Variants in PGGHG observed in about 807,000 individuals in gnomAD.
The protein encoded by PGGHG is protein-glucosylgalactosylhydroxylysine glucosidase.
PGGHG carries 67 observed loss-of-function variants against 74.5 expected under a neutral mutation model. That is an observed-to-expected ratio of 0.90 (90% CI 0.74 to 1.10). The LOEUF is 1.10. Ranked by LOEUF, PGGHG falls within the 50% of genes least tolerant of loss-of-function variation. The pLI, the probability that PGGHG is intolerant of heterozygous loss-of-function variation, is 0.00. For synonymous variants in PGGHG, 496 were observed against 419.9 expected (o/e 1.18, Z -2.21); for missense variants, 1,034 against 981.5 (o/e 1.05, Z -0.72).
chr11:293,767 C>T lies in PGGHG; in HGVS notation c.1614+40C>T, dbSNP rs772931146. The T allele has an allele frequency of 2.5e-6, 4 of 1,613,398 alleles. No individual in the cohort carries two copies. In the South Asian group the frequency reaches 3.3e-5, roughly 13 times the overall value. ...GCTGTGGAGTTCCTACCCCATTGGCCTCAGTCTTCTCTGCCCACGCAGTGG... is the reference window on the plus strand; with the variant it reads ...GCTGTGGAGTTCCTACCCCATTGGCTTCAGTCTTCTCTGCCCACGCAGTGG... On this transcript the variant is annotated intron_variant, in intron 10 of 13. Transcript: ENST00000409548.
intron 7 of PGGHG, 57 bp downstream of exon 7, chr11:293,054 C>A: frequency 6.2e-7 from 1 of 1,613,842 alleles, no homozygotes; most frequent in Non-Finnish European, 8.5e-7. Context: ...CCAGACTCAG[C>A]AGATGATTTT....
Position 292,928 on chromosome 11 carries a change from A to G in PGGHG, c.1201A>G (p.Arg401Gly). The G allele has an allele frequency of 6.2e-7, 1 of 1,614,122 alleles. No homozygotes were observed. The change falls in exon 7 of 14, where the codon AGG becomes GGG. Residue 401 changes from arginine to glycine, a missense_variant. Coordinates refer to ENST00000409548, the MANE Select transcript of PGGHG (RefSeq NM_025092.5). ...FREAGGWDVV[R>G]AVAEFWCSRV... is the part of the protein sequence containing the mutation. The stretch of plus-strand genomic sequence containing the variant: ...AGAGGCTGGTGGCTGGGACGTGGTC[A>G]GGGCTGTGGCCGAGTTTTGGTGCAG...
At position 293,577 on chromosome 11, in the gene PGGHG, G is replaced by A. The variant is rs373665622; in HGVS notation, c.1481-17G>A. 1.5e-5 allele frequency: 24 copies of A among 1,613,234 alleles called. No homozygotes were observed. The African/African-American group carries it at 2.0e-4, about 13-fold the overall frequency. ...TCTGTCCTGGAACACCTTCCAGTCAGCGGCACCTCCCTGTAGGAGAGGTGG... is the reference window on the plus strand; with the variant it reads ...TCTGTCCTGGAACACCTTCCAGTCAACGGCACCTCCCTGTAGGAGAGGTGG... On this transcript the variant is annotated splice_polypyrimidine_tract_variant and intron_variant, in intron 9 of 13. Coordinates refer to ENST00000409548, the MANE Select transcript of PGGHG (RefSeq NM_025092.5).
rs7395921 is a variant in PGGHG, at chr11:293,878, C to T, written c.1663C>T (p.Arg555Trp). The change falls in exon 11 of 14, where the codon CGG becomes TGG. Residue 555 changes from arginine (R) to tryptophan (W), a missense_variant. Transcript: ENST00000409548. ...GGAGCTGAAGGACGCAGTGCGGGCC[C>T]GGGGCCTCCTGGACAGGAGCTTTGC... Reference protein sequence around the residue: ...WMELKDAVRARGLLDRSFANM... With the variant: ...WMELKDAVRAWGLLDRSFANM... The T allele has an allele frequency of 8.3e-4, 1,338 of 1,613,584 alleles. No individual in the cohort carries two copies. Among genetic ancestry groups the T allele is most frequent in the Non-Finnish European group, 1.0e-3 (1,214 of 1,179,968 alleles).
Position 294,630 on chromosome 11 carries a change from T to A in PGGHG, c.2095T>A (p.Ser699Thr). The change falls in exon 14 of 14, where the codon TCC becomes ACC. Residue 699 changes from serine to threonine, a missense_variant. Ser to Thr is a moderately conservative substitution (Grantham distance 58, BLOSUM62 1). Coordinates refer to ENST00000409548, the MANE Select transcript of PGGHG (RefSeq NM_025092.5). ...SPPKLPGSSS[S>T]EFPGRTFSDV... The stretch of plus-strand genomic sequence containing the variant: ...CCCGAAGCTGCCTGGAAGTTCCAGC[T>A]CCGAGTTCCCTGGGAGGACTTTTTC... 1 of 1,516,172 alleles carries A rather than the reference T, an allele frequency of 6.6e-7. No homozygotes were observed. The highest frequency in any genetic ancestry group is 8.9e-7 in the Non-Finnish European group (1 of 1,125,508). The allele number at this position is 1,516,172 out of a possible 1,614,324, so 93.9% of individuals were successfully genotyped here. A position where few individuals can be genotyped will look rare whatever the true frequency, so the allele number is the denominator to read the frequency against.
chr11:293,518 C>T lies in PGGHG; in HGVS notation c.1480+16C>T. On this transcript the variant is annotated intron_variant, in intron 9 of 13. Transcript: ENST00000409548. The stretch of plus-strand genomic sequence containing the variant: ...TATGAGCCTGGTGAGTGGACCCCTT[C>T]AAGGGCTCCTCCCCTGCCGTCGAGA... 3 of 1,611,666 alleles carry T rather than the reference C, an allele frequency of 1.9e-6. No individual in the cohort carries two copies. Among genetic ancestry groups the T allele is most frequent in the Non-Finnish European group, 2.5e-6 (3 of 1,179,848 alleles).
In PGGHG at chr11:293,464, A is replaced by C; in HGVS notation, c.1442A>C (p.Glu481Ala). Residue 481 changes from glutamate (E) to alanine (A), a missense_variant, in exon 9 of 14, where the codon GAG becomes GCG. Physicochemically the swap from Glu to Ala is moderately radical, Grantham distance 107. Coordinates refer to ENST00000409548, the MANE Select transcript of PGGHG (RefSeq NM_025092.5). Reference protein sequence around the residue: ...ADKIKVPFDVEQNFHPEFDGY... With the variant: ...ADKIKVPFDVAQNFHPEFDGY... ...AAGATCAAGGTACCCTTTGACGTGGAGCAGAACTTCCACCCGGAGTTCGAT... is the reference window on the plus strand; with the variant it reads ...AAGATCAAGGTACCCTTTGACGTGGCGCAGAACTTCCACCCGGAGTTCGAT... 10 of 1,611,896 alleles carry C rather than the reference A, an allele frequency of 6.2e-6. No individual in the cohort carries two copies. The highest frequency in any genetic ancestry group is 7.6e-6 in the Non-Finnish European group (9 of 1,179,990).
At chr11:291,754 C>A in intron 4 of PGGHG, 1 of 566,208 alleles carries the variant, frequency 1.8e-6, no homozygotes, top group Non-Finnish European at 2.9e-6. Context: ...CAAACGCCGG[C>A]TGGGGAGGCG....
chr11:291,076 G>C lies in PGGHG; in HGVS notation c.869G>C (p.Arg290Pro). 1 of 1,602,732 alleles carries C rather than the reference G, an allele frequency of 6.2e-7. No individual in the cohort carries two copies. The highest frequency in any genetic ancestry group is 1.7e-4 in the Middle Eastern group (1 of 6,018). Residue 290 changes from arginine to proline, a missense_variant, in exon 4 of 14, where the codon CGT (arginine) becomes CCT (proline). Coordinates refer to ENST00000409548, the MANE Select transcript of PGGHG (RefSeq NM_025092.5). ...LSPGGLSNGS[R>P]EECYWGHVFW... is the part of the protein sequence containing the mutation. ...CCTGGGGGCCTCTCCAATGGGAGCC[G>C]TGAGGAATGCTACTGGGGCCACGTC...
intron 8 of PGGHG, 45 bp from the exon 9 acceptor site, chr11:293,320 TG>T (rs1412857823): frequency 6.3e-7 from 1 of 1,598,808 alleles, no homozygotes; most frequent in African/African-American, 1.3e-5. Context: ...AGGCAGCAGC[TG>T]GAAGTGTAGG....
chr11:291,922 G>T lies in PGGHG; in HGVS notation c.907-54G>T, dbSNP rs1823488357. 9 of 1,545,944 alleles carry T rather than the reference G, an allele frequency of 5.8e-6. No individual in the cohort carries two copies. In the South Asian group the frequency reaches 6.2e-5, roughly 11 times the overall value. On this transcript the variant is annotated intron_variant, in intron 4 of 13. Coordinates refer to ENST00000409548, the MANE Select transcript of PGGHG (RefSeq NM_025092.5). ...TGCCGGGGCGGAATGTGGCCAGGAG[G>T]GGCGGGAGCAGTGACGGCCTGTCCG... is the stretch of plus-strand genomic sequence containing the variant.
In PGGHG at chr11:293,150, C is replaced by T. The variant is rs1214589347; in HGVS notation, c.1271-13C>T. ...ACTCTGCACTGAGCACCATCTTGGA[C>T]TTGTGTGTCCAGGAGTCATGTCCCC... On this transcript the variant is annotated splice_polypyrimidine_tract_variant and intron_variant, in intron 7 of 13. Coordinates refer to ENST00000409548, the MANE Select transcript of PGGHG (RefSeq NM_025092.5). The T allele has an allele frequency of 2.5e-6, 4 of 1,613,798 alleles. No individual in the cohort carries two copies. Among genetic ancestry groups the T allele is most frequent in the East Asian group, 2.2e-5 (1 of 44,886 alleles).
In PGGHG at chr11:290,078, A is replaced by G. The variant is rs756398238; in HGVS notation, c.259+3A>G. Reference sequence around the variant, plus strand: ...CTTCGCCCTGGACACCAACACAGGTAGCGCCACCTGGCCTGCCTCACCCCT... The same window carrying G: ...CTTCGCCCTGGACACCAACACAGGTGGCGCCACCTGGCCTGCCTCACCCCT... On this transcript the variant is annotated splice_donor_region_variant and intron_variant, in intron 2 of 13. Coordinates refer to ENST00000409548, the MANE Select transcript of PGGHG (RefSeq NM_025092.5). The G allele has an allele frequency of 4.6e-6, 7 of 1,523,042 alleles. No individual in the cohort carries two copies. The South Asian group carries it at 8.5e-5, about 19-fold the overall frequency. 94.3% of individuals were successfully genotyped at this position (1,523,042 alleles called of 1,614,324 possible).
At position 290,717 on chromosome 11, in the gene PGGHG, G is replaced by A; in HGVS notation, c.510G>A (p.Gly170=). The A allele has an allele frequency of 1.2e-6, 2 of 1,604,954 alleles. No homozygotes were observed. The highest frequency in any genetic ancestry group is 1.7e-6 in the Non-Finnish European group (2 of 1,174,576). ...ACACCCTCACCCCTGAGCAGCCCGGGGGGCCACAGCAAGAGGTACACATGC... is the reference window on the plus strand; with the variant it reads ...ACACCCTCACCCCTGAGCAGCCCGGAGGGCCACAGCAAGAGGTACACATGC... ...YGHTLTPEQP[G]GPQQEVHMLW... The change falls in exon 4 of 14, where the codon GGG becomes GGA. Residue 170 remains glycine, a synonymous_variant. Transcript: ENST00000409548.
chr11:293,944 G>T lies in PGGHG; in HGVS notation c.1710+19G>T, dbSNP rs1311154663. 6.2e-7 allele frequency: 1 copy of T among 1,605,926 alleles called. No individual in the cohort carries two copies. Among genetic ancestry groups the T allele is most frequent in the South Asian group, 1.1e-5 (1 of 90,340 alleles). ...CTTCAAGGTCAGCCTGGCCACACCT[G>T]CCTCCCACTGGGCCCCTTGTGGTGG... On this transcript the variant is annotated intron_variant, in intron 11 of 13. Transcript: ENST00000409548.
Position 292,531 on chromosome 11 carries a change from C to A in PGGHG, c.1027-15C>A. On this transcript the variant is annotated splice_polypyrimidine_tract_variant and intron_variant, in intron 5 of 13. Coordinates refer to ENST00000409548, the MANE Select transcript of PGGHG (RefSeq NM_025092.5). ...CCTCCAACAAGGTCAAGTCTGCCCC[C>A]TCCCAACCCCTCAGGGAGCCAAGTT... 1 of 1,612,638 alleles carries A rather than the reference C, an allele frequency of 6.2e-7. No homozygotes were observed. The highest frequency in any genetic ancestry group is 1.1e-5 in the South Asian group (1 of 91,076).
intron 4 of PGGHG, 145 bp from the exon 5 acceptor site, chr11:291,831 G>C (rs1845731493): frequency 1.7e-6 from 2 of 1,187,720 alleles, no homozygotes. Flanking sequence ...GTGGGCAGGT[G>C]GGGAGGGCCT....
Position 289,557 on chromosome 11 carries a change from G to A in PGGHG, c.-13-247G>A. The stretch of plus-strand genomic sequence containing the variant: ...TAGGACTGGAATTCTAAGGTAGCAG[G>A]AGGGAGAGACACACTCAGGGGCTCA... On this transcript the variant is annotated intron_variant, in intron 1 of 13. Transcript: ENST00000409548. The surrounding 1 kb of genome is among the most constrained non-coding windows in gnomAD (Gnocchi z 5.6). 2 of 548,168 alleles carry A rather than the reference G, an allele frequency of 3.6e-6. No individual in the cohort carries two copies. Among genetic ancestry groups the A allele is most frequent in the Non-Finnish European group, 3.2e-6 (1 of 311,988 alleles). 34.0% of individuals were successfully genotyped at this position (548,168 alleles called of 1,614,324 possible).
chr11:291,260 G>C (rs922633671), intron 4 of PGGHG, 147 bp downstream of exon 4: 2 of 1,006,912 alleles, frequency 2.0e-6, no homozygotes, highest in Non-Finnish European at 2.8e-6. Context: ...GCAGGAGTTT[G>C]GTAGAGGAGT....
Sources: allele counts gnomAD v4.1 joint callset, GRCh38; gene constraint gnomAD v4.1.1; non-coding constraint Gnocchi (gnomAD v3.1); transcripts MANE v1.5; gene names NCBI Gene and HGNC (gene_info 2026-07-23, HGNC 2026-07-21).